Variants in CLIP1 observed in about 807,000 individuals in gnomAD.
The protein encoded by CLIP1 is CAP-Gly domain-containing linker protein 1.
A neutral mutation model predicts 161.6 loss-of-function variants in CLIP1; 66 were observed. The ratio of observed to expected loss-of-function variants is 0.41; its 90% CI spans 0.33 to 0.50. The LOEUF (loss-of-function observed/expected upper bound fraction) is 0.50, where lower values mean the gene tolerates loss of function less well. Among genes scored for constraint, CLIP1 ranks in the 20% least tolerant of loss-of-function variants. CLIP1 has a pLI of 0.27. For synonymous variants in CLIP1, 598 were observed against 626.2 expected (o/e 0.96, Z 0.67); for missense variants, 1,376 against 1,702.0 (o/e 0.81, Z 3.37).
At chr12:122,373,862 T>A (rs985087966) in intron 3 of CLIP1, among the ~76,000 whole-genome samples, 1 of 152,190 alleles carries the variant, frequency 6.6e-6, no homozygotes, top group African/African-American at 2.4e-5. Context: ...TCACTATGTG[T>A]GTGTTTCACT....
intron 17 of CLIP1, chr12:122,324,166 AAG>A (rs917616614): frequency 6.6e-5 from 10 of 152,664 alleles, no homozygotes; most frequent in Admixed American, 2.0e-4. Context: ...TTTCTAAATT[AAG>A]AGTTTCATTC....
intron 1 of CLIP1, among the ~76,000 whole-genome samples, chr12:122,383,128 C>T (rs1317598744): frequency 6.6e-6 from 1 of 152,168 alleles, no homozygotes; most frequent in Admixed American, 6.5e-5. Context: ...TAGAAATTCC[C>T]TAGGGCCTTC....
intron 1 of CLIP1, among the ~76,000 whole-genome samples, chr12:122,419,926 CAAAA>C (rs5801469): frequency 1.9e-4 from 15 of 79,828 alleles, no homozygotes; most frequent in African/African-American, 6.1e-4. Flanking sequence ...GACTCTGTCT[CAAAA>C]AAAAAAAAAA....
Position 122,354,229 on chromosome 12 carries a change from T to C in CLIP1, c.1307+224A>G, listed in dbSNP as rs1158208167. 2.0e-5 allele frequency among the ~76,000 whole-genome samples: 3 copies of C among 151,914 alleles called. No individual in the cohort carries two copies. The East Asian group carries it at 5.8e-4, about 30-fold the overall frequency. ...AGGCAACATGGTGAAACTCCATCTC[T>C]ACTAAAATACAAAAAATTAGCCAGG... On this transcript the variant is annotated intron_variant, in intron 7 of 25. Coordinates refer to ENST00000620786, the MANE Select transcript of CLIP1 (RefSeq NM_001247997.2).
intron 20 of CLIP1, among the ~76,000 whole-genome samples, chr12:122,298,163 C>T (rs966752710): frequency 4.0e-4 from 61 of 152,306 alleles, no homozygotes; most frequent in African/African-American, 1.4e-3. Flanking sequence ...TATCATCACA[C>T]TAAACTCTCT....
chr12:122,315,777 A>T (rs1178036435), intron 19 of CLIP1, among the ~76,000 whole-genome samples: 4 of 151,550 alleles, frequency 2.6e-5, no homozygotes, highest in African/African-American at 9.7e-5. Context: ...AGTAGCTGAG[A>T]CTACAGGCGT....
At chr12:122,304,383 C>T (rs979712942) in intron 20 of CLIP1, among the ~76,000 whole-genome samples, 7 of 152,034 alleles carry the variant, frequency 4.6e-5, no homozygotes, top group Non-Finnish European at 7.4e-5. Flanking sequence ...TTTTTTGAGA[C>T]GGAGTCTTGC....
At chr12:122,379,125 C>CA (rs750207939) in intron 2 of CLIP1, among the ~76,000 whole-genome samples, 2 of 148,742 alleles carry the variant, frequency 1.3e-5, no homozygotes, top group Admixed American at 6.7e-5. Flanking sequence ...AACTCCGTCT[C>CA]AAAAAACAAA....
At chr12:122,286,012 G>A (rs897535132) in intron 21 of CLIP1, among the ~76,000 whole-genome samples, 9 of 151,946 alleles carry the variant, frequency 5.9e-5, no homozygotes, top group African/African-American at 2.2e-4. Flanking sequence ...TGGCTGGGCT[G>A]GGAATCATTG....
Position 122,287,943 on chromosome 12 carries a change from T to C in CLIP1, c.3647+546A>G, listed in dbSNP as rs75534523. On this transcript the variant is annotated intron_variant, in intron 21 of 25. Coordinates refer to ENST00000620786, the MANE Select transcript of CLIP1 (RefSeq NM_001247997.2). Reference sequence around the variant, plus strand: ...AGTGGTGTAACATGAGACAATCTGATTTTAGATCACTTCTGAGTGAAAGCA... The same window carrying C: ...AGTGGTGTAACATGAGACAATCTGACTTTAGATCACTTCTGAGTGAAAGCA... 9.0e-3 allele frequency among the ~76,000 whole-genome samples: 1,377 copies of C among 152,290 alleles called. 26 individuals are homozygous for C. Among genetic ancestry groups the C allele is most frequent in the African/African-American group, 0.032 (1,317 of 41,568 alleles).
chr12:122,341,746 T>C (rs1952507617), intron 10 of CLIP1, 49 bp from the exon 11 acceptor site: 2 of 336,488 alleles, frequency 5.9e-6, no homozygotes, highest in African/African-American at 2.1e-5. Flanking sequence ...TAACAAGTCA[T>C]TGACTATTTT....
chr12:122,333,880 C>A, intron 14 of CLIP1, 147 bp downstream of exon 14: 1 of 582,526 alleles, frequency 1.7e-6, no homozygotes, highest in African/African-American at 1.9e-5. Flanking sequence ...AGATCTCAAA[C>A]AAGTATTTCA....
intron 20 of CLIP1, among the ~76,000 whole-genome samples, chr12:122,291,645 T>G (rs1400311476): frequency 6.6e-6 from 1 of 152,230 alleles, no homozygotes; most frequent in African/African-American, 2.4e-5. Flanking sequence ...GAAGTAATCC[T>G]GTGTCCTTCT....
intron 1 of CLIP1, among the ~76,000 whole-genome samples, chr12:122,408,050 A>T (rs1956395811): frequency 6.6e-6 from 1 of 151,990 alleles, no homozygotes; most frequent in Admixed American, 6.6e-5. Flanking sequence ...AGCCTGACTA[A>T]CATGGCGAAA....
Position 122,333,126 on chromosome 12 carries a change from T to C in CLIP1, c.2728A>G (p.Arg910Gly), listed in dbSNP as rs549980998. ...ENLADMEAKF[R>G]EKDEREEQLI... ...TGCTCTTCTCTCTCATCTTTCTCTC[T>C]AAATTTTGCCTCCATATCTAAATAT... Residue 910 changes from arginine to glycine, a missense_variant, in exon 15 of 26, where the codon AGA (arginine) becomes GGA (glycine). Coordinates refer to ENST00000620786, the MANE Select transcript of CLIP1 (RefSeq NM_001247997.2). 1.2e-6 allele frequency: 2 copies of C among 1,612,596 alleles called. No individual in the cohort carries two copies. Among genetic ancestry groups the C allele is most frequent in the African/African-American group, 2.7e-5 (2 of 74,978 alleles).
At chr12:122,343,579 A>C (rs2136367054) in intron 10 of CLIP1, 1 of 152,290 alleles carries the variant, frequency 6.6e-6, no homozygotes. Flanking sequence ...CCCCTAACCC[A>C]GTGGTTCTCA....
intron 3 of CLIP1, 57 bp from the exon 4 acceptor site, chr12:122,364,164 T>C: frequency 6.2e-7 from 1 of 1,605,154 alleles, no homozygotes; most frequent in Non-Finnish European, 8.5e-7. Context: ...GCTTAATCGT[T>C]TGTGGTCCCT....
chr12:122,283,356 A>C (rs1955720387), intron 21 of CLIP1, among the ~76,000 whole-genome samples: 2 of 152,116 alleles, frequency 1.3e-5, no homozygotes, highest in East Asian at 3.9e-4. Context: ...ACTGCTTGCA[A>C]CTCAATGTTT....
chr12:122,315,640 C>CTTTTCTT (rs10644548), intron 19 of CLIP1, among the ~76,000 whole-genome samples: 128,732 of 139,884 alleles, frequency 0.92, 59,006 homozygotes, highest in East Asian at 1. Flanking sequence ...GGTTTGATTC[C>CTTTTCTT]TTTTCTTTTT....
Sources: gnomAD v4.1 joint callset for allele counts (sites outside exome capture counted in the v4.1 genomes callset) on GRCh38, gnomAD v4.1.1 for gene constraint, MANE v1.5 for transcripts, NCBI Gene and HGNC (gene_info 2026-07-23, HGNC 2026-07-21) for gene names.